Variants in PSD3 observed in about 807,000 individuals in gnomAD.
PSD3 encodes pleckstrin and Sec7 domain containing 3.
Under a neutral mutation model 105.5 loss-of-function variants are expected in PSD3, and 49 were observed. That is an observed-to-expected ratio of 0.46 (90% confidence interval 0.37 to 0.59). The LOEUF (loss-of-function observed/expected upper bound fraction) is 0.59. PSD3 is among the 20% of genes least tolerant of loss of function. The pLI, the probability that PSD3 is intolerant of heterozygous loss-of-function variation, is 0.00. For missense variants in PSD3, 1,561 were observed against 1,263.8 expected (o/e 1.24, Z -3.57); for synonymous variants, 557 against 457.8 (o/e 1.22, Z -2.77).
chr8:18,558,181 G>A (rs1307566433), intron 14 of PSD3, among the ~76,000 whole-genome samples: 1 of 152,108 alleles, frequency 6.6e-6, no homozygotes, highest in African/African-American at 2.4e-5. Flanking sequence ...TTTTGTTATG[G>A]CAGCCTGAGC....
At chr8:18,648,597 C>T (rs908407789) in intron 10 of PSD3, among the ~76,000 whole-genome samples, 3 of 152,212 alleles carry the variant, frequency 2.0e-5, no homozygotes, top group Non-Finnish European at 4.4e-5. Context: ...GCAGCCTGGC[C>T]ATGTGAAAAT....
chr8:18,839,260 G>A (rs1303361641), intron 4 of PSD3, among the ~76,000 whole-genome samples: 1 of 152,138 alleles, frequency 6.6e-6, no homozygotes, highest in Non-Finnish European at 1.5e-5. Context: ...ATGGACAGAA[G>A]AGACATTTCA....
intron 2 of PSD3, among the ~76,000 whole-genome samples, chr8:18,877,837 G>C (rs952387748): frequency 1.1e-4 from 16 of 151,880 alleles, no homozygotes; most frequent in Non-Finnish European, 1.6e-4. Context: ...CACCACACCT[G>C]GCTAGATGCC....
chr8:18,987,935 T>G (rs1273463562), intron 1 of PSD3, among the ~76,000 whole-genome samples: 1 of 152,212 alleles, frequency 6.6e-6, no homozygotes, highest in Non-Finnish European at 1.5e-5. Flanking sequence ...AGTTTTTCAT[T>G]CTTTCAACAA....
Position 18,556,301 on chromosome 8 carries a change from G to C in PSD3, c.2836C>G (p.Leu946Val). The change falls in exon 15 of 16, where the codon CTG becomes GTG. Residue 946 changes from leucine to valine, a missense_variant. Transcript: ENST00000327040. ...GGGGGATATGAGCGGTGCTCGGCCA[G>C]CTCGGTGGTGATCTGCTTCAGCTTA... is the stretch of plus-strand genomic sequence containing the variant. ...ESKLKQITTE[L>V]AEHRSYPPDK... 2 of 1,613,962 alleles carry C rather than the reference G, an allele frequency of 1.2e-6. No homozygotes were observed. The highest frequency in any genetic ancestry group is 1.1e-5 in the South Asian group (1 of 91,062).
chr8:18,730,122 T>C (rs190570722), intron 9 of PSD3: 141 of 152,316 alleles, frequency 9.3e-4, no homozygotes, highest in African/African-American at 3.3e-3. Flanking sequence ...ACAAGTAATA[T>C]GCTGTGTTTT....
intron 1 of PSD3, among the ~76,000 whole-genome samples, chr8:18,990,561 G>T (rs1280091377): frequency 1.3e-5 from 2 of 152,068 alleles, no homozygotes; most frequent in African/African-American, 4.8e-5. Flanking sequence ...TTTTCTTCTT[G>T]AAGTCACCTT....
In PSD3 at chr8:18,819,575, A is replaced by ATTTTTTTTT. The variant is rs746931460; in HGVS notation, c.1635-14686_1635-14678dup. ...TTCAAATTCTTTAAAATTAGAATGG[A>ATTTTTTTTT]TTTTTTTTTTTTTTTTTTTTTGAGA... On this transcript the variant is annotated intron_variant, in intron 4 of 15. Transcript: ENST00000327040. Among the ~76,000 whole-genome samples, 161 of 111,314 alleles carry ATTTTTTTTT rather than the reference A, an allele frequency of 1.4e-3. 3 individuals carry two copies. The highest frequency in any genetic ancestry group is 4.3e-3 in the East Asian group (13 of 2,994). The allele number at this position is 111,314 out of a possible 152,430, so 73.0% of individuals were successfully genotyped here.
At chr8:18,835,812 C>T (rs1814060167) in intron 4 of PSD3, among the ~76,000 whole-genome samples, 1 of 152,172 alleles carries the variant, frequency 6.6e-6, no homozygotes, top group Admixed American at 6.5e-5. Context: ...GAGGCCAATG[C>T]AACTGAAGCA....
chr8:18,928,610 G>C (rs150956507), intron 2 of PSD3, among the ~76,000 whole-genome samples: 7 of 152,264 alleles, frequency 4.6e-5, no homozygotes, highest in African/African-American at 1.7e-4. Context: ...AAAATCTCTA[G>C]AGATAAAAAG....
rs1215460486 is a variant in PSD3, at chr8:18,616,623, C to CTTTTTTTTT, written c.2410+15989_2410+15990insAAAAAAAAA. On this transcript the variant is annotated intron_variant, in intron 11 of 15. Transcript: ENST00000327040. Reference sequence around the variant, plus strand: ...GCCAGGCCTCATCTTCCTCTCTTTTCTTTTCTTTTTTTTTTTTTGAGACGG... The same window carrying CTTTTTTTTT: ...GCCAGGCCTCATCTTCCTCTCTTTTCTTTTTTTTTTTTTCTTTTTTTTTTTTTGAGACGG... Among the ~76,000 whole-genome samples, 5 of 98,508 alleles carry CTTTTTTTTT rather than the reference C, an allele frequency of 5.1e-5. 1 individual carries two copies. The highest frequency in any genetic ancestry group is 5.9e-4 in the South Asian group (2 of 3,406). 64.6% of individuals were successfully genotyped at this position (98,508 alleles called of 152,430 possible).
intron 2 of PSD3, among the ~76,000 whole-genome samples, chr8:18,894,938 G>A (rs1819041650): frequency 6.6e-6 from 1 of 152,216 alleles, no homozygotes; most frequent in South Asian, 2.1e-4. Flanking sequence ...TCTCAAGAGA[G>A]ATTTTGGGTA....
chr8:18,555,784 A>G, intron 15 of PSD3, among the ~76,000 whole-genome samples: 1 of 152,208 alleles, frequency 6.6e-6, no homozygotes, highest in East Asian at 1.9e-4. Flanking sequence ...GTGTTGCCGA[A>G]CAGCAAGAAT....
At chr8:18,971,163 C>T (rs981429250) in intron 1 of PSD3, among the ~76,000 whole-genome samples, 4 of 152,022 alleles carry the variant, frequency 2.6e-5, no homozygotes, top group Non-Finnish European at 2.9e-5. Context: ...ATGTAGATTA[C>T]AAATTAAAAA....
chr8:18,773,194 T>C (rs1032480727), intron 8 of PSD3, among the ~76,000 whole-genome samples: 1 of 152,216 alleles, frequency 6.6e-6, no homozygotes, highest in Non-Finnish European at 1.5e-5. Context: ...TTTTATACAC[T>C]GTGTGATATA....
At chr8:18,819,227 G>C (rs948251633) in intron 4 of PSD3, among the ~76,000 whole-genome samples, 3 of 152,168 alleles carry the variant, frequency 2.0e-5, no homozygotes, top group Non-Finnish European at 4.4e-5. Context: ...CCAGAGGGTA[G>C]GTTTAGTCAA....
intron 1 of PSD3, among the ~76,000 whole-genome samples, chr8:18,988,860 T>C (rs1000936484): frequency 2.0e-5 from 3 of 152,120 alleles, no homozygotes; most frequent in Admixed American, 6.6e-5. Context: ...AATGGAAAAA[T>C]GACATGGAAT....
At chr8:18,575,430 C>G in intron 12 of PSD3, 145 bp from the exon 13 acceptor site, 1 of 731,124 alleles carries the variant, frequency 1.4e-6, no homozygotes, top group South Asian at 3.2e-5. Flanking sequence ...GTAAAAACAA[C>G]CTTATAAATG....
chr8:19,031,724 A>G (rs1827779596), intron 1 of PSD3, among the ~76,000 whole-genome samples: 1 of 152,208 alleles, frequency 6.6e-6, no homozygotes. Flanking sequence ...AAAATGGGTG[A>G]CATTCTGATG....
Sources: gnomAD v4.1 joint callset for allele counts (sites outside exome capture counted in the v4.1 genomes callset) on GRCh38, gnomAD v4.1.1 for gene constraint, MANE v1.5 for transcripts, NCBI Gene and HGNC (gene_info 2026-07-23, HGNC 2026-07-21) for gene names.